Variants in TJP1 observed in about 807,000 individuals in gnomAD.
TJP1 encodes tight junction protein 1, also known as tight junction protein ZO-1.
A neutral mutation model predicts 194.2 loss-of-function variants in TJP1; 43 were observed. The ratio of observed to expected loss-of-function variants is 0.22; its 90% CI spans 0.17 to 0.29. TJP1 has a LOEUF of 0.29. Among genes scored for constraint, TJP1 ranks in the 10% least tolerant of loss-of-function variants. The probability of loss-of-function intolerance (pLI) is 1.00; values close to 1 mark genes in which losing one functional copy is unlikely to be tolerated. For missense variants in TJP1, 1,971 were observed against 2,185.7 expected, an observed-to-expected ratio of 0.90 and a Z score of 1.96; for synonymous variants, 801 against 779.0, an observed-to-expected ratio of 1.03 and a Z score of -0.47.
At chr15:29,763,120 G>A (rs2046112320) in intron 5 of TJP1, among the ~76,000 whole-genome samples, 1 of 152,102 alleles carries the variant, frequency 6.6e-6, no homozygotes. Flanking sequence ...CAACCAGCCA[G>A]GCAGATGTGG....
chr15:29,746,727 G>GTA (rs144601562), intron 8 of TJP1, among the ~76,000 whole-genome samples: 4,957 of 151,908 alleles, frequency 0.033, 272 homozygotes, highest in African/African-American at 0.12. Context: ...TTTTATTAAC[G>GTA]TATATTATTA....
At chr15:29,916,444 G>A (rs2054190037) in intron 2 of TJP1, among the ~76,000 whole-genome samples, 1 of 151,816 alleles carries the variant, frequency 6.6e-6, no homozygotes, top group Admixed American at 6.6e-5. Context: ...AATGGGTAAT[G>A]AGCTCCTTTA....
chr15:29,949,910 TCCAC>T (rs1567226768), intron 2 of TJP1, among the ~76,000 whole-genome samples: 10 of 41,838 alleles, frequency 2.4e-4, no homozygotes, highest in African/African-American at 1.2e-3. Context: ...AACCACCACC[TCCAC>T]CTCCACCTTC....
intron 2 of TJP1, among the ~76,000 whole-genome samples, chr15:29,911,413 T>C (rs908065246): frequency 1.3e-5 from 2 of 152,180 alleles, no homozygotes; most frequent in Non-Finnish European, 2.9e-5. Context: ...CATGTTTCTA[T>C]AAAAAACTAC....
intron 2 of TJP1, among the ~76,000 whole-genome samples, chr15:29,848,941 C>T (rs905407548): frequency 5.9e-5 from 9 of 151,660 alleles, no homozygotes; most frequent in African/African-American, 1.2e-4. Flanking sequence ...GATGGTGCTA[C>T]GTTTTTATAA....
intron 2 of TJP1, among the ~76,000 whole-genome samples, chr15:29,930,847 G>GAATT (rs970774745): frequency 2.6e-4 from 39 of 152,152 alleles, no homozygotes; most frequent in Non-Finnish European, 5.6e-4. Context: ...TAAGTTATTA[G>GAATT]AATTAAAATG....
At chr15:29,780,549 C>G (rs533661621) in intron 2 of TJP1, among the ~76,000 whole-genome samples, 1 of 152,118 alleles carries the variant, frequency 6.6e-6, no homozygotes, top group Admixed American at 6.5e-5. Flanking sequence ...GCCAAAGATC[C>G]GTACATCTCT....
rs370701172 is a variant in TJP1 at position 29,718,671 on chromosome 15, G to C, written c.3471C>G (p.His1157Gln). The change falls in exon 21 of 28, where the codon CAC becomes CAG. Residue 1157 changes from histidine to glutamine, a missense_variant. Transcript: ENST00000614355. ...EQAPRASALR[H>Q]EEQPAPGYDT... ...CATACCCAGGAGCTGGCTGCTCTTC[G>C]TGCCGCAGGGCGGATGCTCTAGGTG... 1.2e-6 allele frequency: 2 copies of C among 1,614,028 alleles called. No individual in the cohort carries two copies. Among genetic ancestry groups the C allele is most frequent in the Non-Finnish European group, 1.7e-6 (2 of 1,180,042 alleles).
chr15:29,907,746 A>G (rs369646071), intron 2 of TJP1, among the ~76,000 whole-genome samples: 3 of 152,216 alleles, frequency 2.0e-5, no homozygotes. Flanking sequence ...ATTCATGTTC[A>G]TGGCCTTTGT....
intron 2 of TJP1, among the ~76,000 whole-genome samples, chr15:29,867,105 A>G (rs2052333861): frequency 6.6e-6 from 1 of 152,234 alleles, no homozygotes; most frequent in South Asian, 2.1e-4. Context: ...GACAAATAAG[A>G]TAAATTATGT....
At chr15:29,881,075 C>T (rs976757839) in intron 2 of TJP1, among the ~76,000 whole-genome samples, 3 of 152,166 alleles carry the variant, frequency 2.0e-5, no homozygotes, top group African/African-American at 7.2e-5. Context: ...CAAGGGCTCC[C>T]TTTTCTCCTC....
intron 1 of TJP1, among the ~76,000 whole-genome samples, chr15:29,957,705 A>G (rs2056000086): frequency 6.6e-6 from 1 of 152,196 alleles, no homozygotes; most frequent in Non-Finnish European, 1.5e-5. Flanking sequence ...TTACCAAACC[A>G]TACAGCAATG....
At chr15:29,932,561 A>G (rs535778178) in intron 2 of TJP1, among the ~76,000 whole-genome samples, 8 of 152,314 alleles carry the variant, frequency 5.3e-5, no homozygotes, top group African/African-American at 1.9e-4. Flanking sequence ...TGACCTGGAA[A>G]AAAAAGGGTT....
At chr15:29,892,263 G>A (rs1354141935) in intron 2 of TJP1, among the ~76,000 whole-genome samples, 4 of 152,350 alleles carry the variant, frequency 2.6e-5, no homozygotes, top group Admixed American at 6.5e-5. Context: ...ATTTGAGGAA[G>A]CTGCAGATGA....
intron 2 of TJP1, among the ~76,000 whole-genome samples, chr15:29,780,436 C>T (rs1210142254): frequency 6.6e-6 from 1 of 152,070 alleles, no homozygotes; most frequent in Non-Finnish European, 1.5e-5. Flanking sequence ...GGAGGCAGCG[C>T]TCAGGCAGTA....
Position 29,709,029 on chromosome 15 carries a change from T to C in TJP1, c.4380A>G (p.Ser1460=), listed in dbSNP as rs781682547. Residue 1460 remains serine (S), a synonymous_variant, in exon 25 of 28, where the codon TCA becomes TCG. Transcript: ENST00000614355. ...AGGAATTCTGAAAATCCAATGACAC[T>C]GAATTACCTGAAAAACAAACGTAAG... ...HSKGAHGEGN[S]VSLDFQNSLV... is the part of the protein sequence containing the mutation. The C allele has an allele frequency of 1.2e-6, 2 of 1,604,202 alleles. No homozygotes were observed. The highest frequency in any genetic ancestry group is 2.2e-5 in the East Asian group (1 of 44,742).
At chr15:29,734,487 TC>T (rs1360624026) in intron 11 of TJP1, 105 bp from the exon 12 acceptor site, 10 of 688,982 alleles carry the variant, frequency 1.5e-5, no homozygotes, top group East Asian at 3.3e-5. Flanking sequence ...AAATATCACA[TC>T]TTTTTTTTTT....
At chr15:29,798,662 C>A (rs1378942231) in intron 2 of TJP1, among the ~76,000 whole-genome samples, 3 of 152,140 alleles carry the variant, frequency 2.0e-5, no homozygotes, top group Admixed American at 6.6e-5. Context: ...CACAGCAAGT[C>A]TTTTCCTAAG....
intron 8 of TJP1, among the ~76,000 whole-genome samples, chr15:29,752,268 A>C (rs1170164221): frequency 6.6e-6 from 1 of 151,880 alleles, no homozygotes; most frequent in Non-Finnish European, 1.5e-5. Context: ...ACGCCTAGCT[A>C]ATTTTGGTAT....
Sources: allele counts gnomAD v4.1 joint callset (sites outside exome capture counted in the v4.1 genomes callset), GRCh38; gene constraint gnomAD v4.1.1; transcripts MANE v1.5; gene names NCBI Gene and HGNC (gene_info 2026-07-23, HGNC 2026-07-21).